The following KCNJ3 variants were observed in gnomAD, a reference collection of about 807,000 sequenced individuals.
The protein encoded by KCNJ3 is G protein-activated inward rectifier potassium channel 1.
KCNJ3 carries 4 observed loss-of-function variants against 39.2 expected under a neutral mutation model. The ratio of observed to expected loss-of-function variants is 0.10; its 90% CI spans 0.05 to 0.23. KCNJ3 has a LOEUF of 0.23. Among genes scored for constraint, KCNJ3 ranks in the 10% least tolerant of loss-of-function variants. The probability of loss-of-function intolerance (pLI) is 1.00; values close to 1 mark genes in which losing one functional copy is unlikely to be tolerated. For synonymous variants in KCNJ3, 230 were observed against 237.4 expected (o/e 0.97, Z 0.29); for missense variants, 276 against 634.9 (o/e 0.43, Z 6.08).
chr2:154,715,281 A>C (rs1402976734), intron 2 of KCNJ3, among the ~76,000 whole-genome samples: 1 of 152,196 alleles, frequency 6.6e-6, no homozygotes, highest in African/African-American at 2.4e-5. Context: ...CACTACTTTC[A>C]TGATATACTC....
chr2:154,841,966 T>G (rs1311271835), intron 2 of KCNJ3, among the ~76,000 whole-genome samples: 1 of 152,188 alleles, frequency 6.6e-6, no homozygotes, highest in Non-Finnish European at 1.5e-5. Context: ...TCTTAGTTAT[T>G]TCTTCCTTTC....
At chr2:154,805,974 T>C (rs896164486) in intron 2 of KCNJ3, among the ~76,000 whole-genome samples, 1 of 152,184 alleles carries the variant, frequency 6.6e-6, no homozygotes, top group Non-Finnish European at 1.5e-5. Flanking sequence ...TGCATTCATA[T>C]ACTAGTTCAA....
intron 2 of KCNJ3, among the ~76,000 whole-genome samples, chr2:154,800,544 A>G (rs1204680599): frequency 2.0e-5 from 3 of 151,982 alleles, no homozygotes; most frequent in Admixed American, 2.0e-4. Context: ...CACATCATCA[A>G]TTTTATGTTT....
chr2:154,736,404 A>AAAAAAAAAAAAAC (rs1457733240), intron 2 of KCNJ3, among the ~76,000 whole-genome samples: 1 of 110,398 alleles, frequency 9.1e-6, no homozygotes, highest in East Asian at 2.4e-4. Flanking sequence ...AAAAAAAAAA[A>AAAAAAAAAAAAAC]AAAAAAAAAA....
At chr2:154,813,202 AG>A (rs1194006800) in intron 2 of KCNJ3, among the ~76,000 whole-genome samples, 1 of 152,114 alleles carries the variant, frequency 6.6e-6, no homozygotes, top group Non-Finnish European at 1.5e-5. Flanking sequence ...TGCCCTCTTT[AG>A]TAACTAGCTT....
At chr2:154,767,777 G>A (rs1227294143) in intron 2 of KCNJ3, among the ~76,000 whole-genome samples, 6 of 152,158 alleles carry the variant, frequency 3.9e-5, no homozygotes, top group Non-Finnish European at 7.3e-5. Flanking sequence ...CTTCCACAAT[G>A]GTTGAACTAG....
At chr2:154,719,459 G>A (rs1685231269) in intron 2 of KCNJ3, among the ~76,000 whole-genome samples, 1 of 152,078 alleles carries the variant, frequency 6.6e-6, no homozygotes, top group Admixed American at 6.6e-5. Flanking sequence ...TCAAGAGTAT[G>A]AATTAAAATG....
chr2:154,797,195 G>A (rs908513985), intron 2 of KCNJ3, among the ~76,000 whole-genome samples: 1 of 152,150 alleles, frequency 6.6e-6, no homozygotes, highest in African/African-American at 2.4e-5. Flanking sequence ...TGGTGCCGAA[G>A]CATTTTAGTT....
At chr2:154,815,355 A>G (rs1164684095) in intron 2 of KCNJ3, among the ~76,000 whole-genome samples, 1 of 152,204 alleles carries the variant, frequency 6.6e-6, no homozygotes, top group Admixed American at 6.5e-5. Context: ...CCAAAGATCT[A>G]TATCAATAAT....
intron 2 of KCNJ3, among the ~76,000 whole-genome samples, chr2:154,749,766 T>G (rs2105180723): frequency 6.6e-6 from 1 of 152,076 alleles, no homozygotes; most frequent in East Asian, 1.9e-4. Flanking sequence ...TTCTTTTCTT[T>G]TTTCTTGGCC....
intron 2 of KCNJ3, 22 bp downstream of exon 2, chr2:154,709,841 A>G (rs1685072835): frequency 6.2e-7 from 1 of 1,612,026 alleles, no homozygotes; most frequent in Admixed American, 1.7e-5. Flanking sequence ...CAGATATGCC[A>G]TAAAGTTTCT....
At chr2:154,707,429 C>T (rs1308325955) in intron 1 of KCNJ3, among the ~76,000 whole-genome samples, 6 of 152,064 alleles carry the variant, frequency 3.9e-5, no homozygotes, top group Non-Finnish European at 8.8e-5. Context: ...TGTCATCCTC[C>T]TGATAGCCTG....
intron 2 of KCNJ3, among the ~76,000 whole-genome samples, chr2:154,816,769 G>C (rs1299695495): frequency 1.3e-5 from 2 of 152,108 alleles, no homozygotes; most frequent in African/African-American, 4.8e-5. Flanking sequence ...ATTTTCCTGA[G>C]GTGATGTTTG....
intron 2 of KCNJ3, among the ~76,000 whole-genome samples, chr2:154,770,879 C>G (rs925831590): frequency 7.1e-6 from 1 of 140,734 alleles, no homozygotes; most frequent in African/African-American, 2.6e-5. Flanking sequence ...AGATTTTTTT[C>G]TTTTTTCTTT....
chr2:154,813,100 T>A (rs1687029551), intron 2 of KCNJ3, among the ~76,000 whole-genome samples: 1 of 152,194 alleles, frequency 6.6e-6, no homozygotes, highest in Non-Finnish European at 1.5e-5. Flanking sequence ...TAGCTAGAAC[T>A]CACTCCTAAT....
chr2:154,802,400 TG>T (rs1230538188), intron 2 of KCNJ3, among the ~76,000 whole-genome samples: 1 of 152,170 alleles, frequency 6.6e-6, no homozygotes, highest in African/African-American at 2.4e-5. Context: ...TGCCATGACT[TG>T]GTTGTATTAT....
At chr2:154,745,658 T>G (rs1388341853) in intron 2 of KCNJ3, among the ~76,000 whole-genome samples, 1 of 152,042 alleles carries the variant, frequency 6.6e-6, no homozygotes, top group Non-Finnish European at 1.5e-5. Flanking sequence ...TCCAGAGAAG[T>G]CTCACACTTT....
Position 154,855,453 on chromosome 2 carries a change from C to T in KCNJ3, c.*140C>T. 1 of 640,122 alleles carries T rather than the reference C, an allele frequency of 1.6e-6. No individual in the cohort carries two copies. The highest frequency in any genetic ancestry group is 2.7e-6 in the Non-Finnish European group (1 of 375,008). 39.7% of individuals were successfully genotyped at this position (640,122 alleles called of 1,614,324 possible). A position where few individuals can be genotyped will look rare whatever the true frequency, so the allele number is the denominator to read the frequency against. ...GCATATTTGAGAACCCTTCCTTTCC[C>T]AAGTATTGCGAATGTGCAGAAAGCA... is the stretch of plus-strand genomic sequence containing the variant. On this transcript the variant is annotated 3_prime_UTR_variant, in exon 3 of 3. Coordinates refer to ENST00000295101, the MANE Select transcript of KCNJ3 (RefSeq NM_002239.4).
intron 2 of KCNJ3, among the ~76,000 whole-genome samples, chr2:154,722,002 A>G (rs549146154): frequency 6.6e-6 from 1 of 152,338 alleles, no homozygotes; most frequent in African/African-American, 2.4e-5. Flanking sequence ...ACATTTGTCA[A>G]TAATCTTTTC....
Sources: allele counts gnomAD v4.1 joint callset (sites outside exome capture counted in the v4.1 genomes callset), GRCh38; gene constraint gnomAD v4.1.1; transcripts MANE v1.5; gene names NCBI Gene and HGNC (gene_info 2026-07-23, HGNC 2026-07-21).